TPO: variants seen among roughly 807,000 people sequenced by gnomAD.
TPO encodes the protein thyroid peroxidase.
A neutral mutation model predicts 96.9 loss-of-function variants in TPO; 78 were observed. That is an observed-to-expected ratio of 0.81 (90% CI 0.67 to 0.97). The LOEUF (loss-of-function observed/expected upper bound fraction) is 0.97. TPO is among the 50% of genes least tolerant of loss of function. TPO has a pLI of 0.00. For synonymous variants in TPO, 547 were observed against 538.0 expected, an observed-to-expected ratio of 1.02 and a Z score of -0.23; for missense variants, 1,252 against 1,274.8, an observed-to-expected ratio of 0.98 and a Z score of 0.27.
At chr2:1,536,769 TG>T (rs1405280412) in intron 15 of TPO, among the ~76,000 whole-genome samples, 1 of 83,486 alleles carries the variant, frequency 1.2e-5, no homozygotes. Context: ...CCCATCACTC[TG>T]TGTAATCTCC....
At chr2:1,501,894 T>A (rs2124985584) in intron 13 of TPO, among the ~76,000 whole-genome samples, 1 of 152,162 alleles carries the variant, frequency 6.6e-6, no homozygotes. Context: ...CTTGGAGCCA[T>A]CCACTTTGTG....
intron 10 of TPO, among the ~76,000 whole-genome samples, chr2:1,493,040 G>A (rs1288772263): frequency 6.6e-6 from 1 of 152,088 alleles, no homozygotes; most frequent in Non-Finnish European, 1.5e-5. Flanking sequence ...GACCATGGAC[G>A]GGGGCCTGGG....
At chr2:1,396,836 G>C (rs12329058) in intron 1 of TPO, among the ~76,000 whole-genome samples, 85,039 of 151,998 alleles carry the variant, frequency 0.56, 24,041 homozygotes, top group South Asian at 0.64. Flanking sequence ...TTGTGCCTCA[G>C]GAAAACATGC....
At chr2:1,505,631 A>G (rs535379821) in intron 14 of TPO, among the ~76,000 whole-genome samples, 1 of 151,914 alleles carries the variant, frequency 6.6e-6, no homozygotes, top group Non-Finnish European at 1.5e-5. Context: ...CTAAAAAAAA[A>G]GTGATAAATG....
At chr2:1,448,798 C>A (rs1179543140) in intron 5 of TPO, among the ~76,000 whole-genome samples, 3 of 152,184 alleles carry the variant, frequency 2.0e-5, no homozygotes, top group African/African-American at 7.2e-5. Flanking sequence ...GTGGTGAGCT[C>A]TAAAGGACCT....
In TPO at chr2:1,496,160, C is replaced by T; in HGVS notation, c.2178C>T (p.Gly726=). 1 of 1,614,130 alleles carries T rather than the reference C, an allele frequency of 6.2e-7. No homozygotes were observed. Among genetic ancestry groups the T allele is most frequent in the Middle Eastern group, 1.7e-4 (1 of 6,060 alleles). Residue 726 remains glycine, a synonymous_variant, in exon 12 of 17, where the codon GGC becomes GGT. Transcript: ENST00000329066. ...EDFESCDSIT[G]MNLEAWRETF... is the part of the protein sequence containing the mutation. ...TTGAGTCTTGTGACAGCATCACTGG[C>T]ATGAACCTGGAGGCCTGGAGGGAAA...
intron 7 of TPO, among the ~76,000 whole-genome samples, chr2:1,464,302 T>G (rs1385480384): frequency 6.6e-6 from 1 of 152,244 alleles, no homozygotes; most frequent in African/African-American, 2.4e-5. Flanking sequence ...CATTGATTGA[T>G]GGGCATTTGG....
intron 15 of TPO, among the ~76,000 whole-genome samples, chr2:1,531,043 C>G (rs535889620): frequency 2.5e-5 from 2 of 80,226 alleles, no homozygotes; most frequent in Non-Finnish European, 4.8e-5. Flanking sequence ...GTGTGCAACC[C>G]CCCCAAATAC....
rs996193341 is a variant in TPO at position 1,477,513 on chromosome 2, G to A, written c.1247G>A (p.Arg416His). The change falls in exon 8 of 17, where the codon CGC (arginine) becomes CAC (histidine). Residue 416 changes from arginine to histidine, a missense_variant. By Grantham distance (29) the Arg-to-His change is conservative. Coordinates refer to ENST00000329066, the MANE Select transcript of TPO (RefSeq NM_001206744.2). ...LHTLWLREHN[R>H]LAAALKALNA... ...ACGCTGTGGCTGCGCGAGCACAACC[G>A]CCTGGCCGCGGCGCTCAAGGCCCTC... The A allele has an allele frequency of 1.3e-6, 2 of 1,532,118 alleles. No homozygotes were observed. Among genetic ancestry groups the A allele is most frequent in the Admixed American group, 2.0e-5 (1 of 50,804 alleles). The allele number at this position is 1,532,118 out of a possible 1,614,324, so 94.9% of individuals were successfully genotyped here. A position where few individuals can be genotyped will look rare whatever the true frequency, so the allele number is the denominator to read the frequency against.
rs773476786 is a variant in TPO at position 1,540,673 on chromosome 2, C to G, written c.2698C>G (p.Gln900Glu). Residue 900 changes from glutamine to glutamate, a missense_variant, in exon 16 of 17, where the codon CAG (glutamine) becomes GAG (glutamate). By Grantham distance (29) the Gln-to-Glu change is conservative. Transcript: ENST00000329066. ...GTPELRCGKHQAVGTSPQRAA... is the reference protein window; with the variant it reads ...GTPELRCGKHEAVGTSPQRAA... ...TCCCGAGCTGAGATGCGGAAAGCAC[C>G]AGGCCGTAGGGACCTCACCGCAGCG... 3 of 1,613,396 alleles carry G rather than the reference C, an allele frequency of 1.9e-6. No homozygotes were observed. The South Asian group carries it at 3.3e-5, about 18-fold the overall frequency.
At chr2:1,413,282 AC>A (rs1662551061), upstream of TPO, among the ~76,000 whole-genome samples, 1 of 152,000 alleles carries the variant, frequency 6.6e-6, no homozygotes. Context: ...CTGCATGTGG[AC>A]CCCGATGACA....
At chr2:1,380,386 T>A (rs1661792179) in intron 1 of TPO, among the ~76,000 whole-genome samples, 1 of 128,230 alleles carries the variant, frequency 7.8e-6, no homozygotes, top group African/African-American at 3.0e-5. Context: ...AGAGCGAGAC[T>A]CTGTCTCAAA....
In TPO at chr2:1,484,898, C is replaced by G. The variant is rs1031009266; in HGVS notation, c.1597+44C>G. The G allele has an allele frequency of 4.4e-6, 7 of 1,609,142 alleles. No individual in the cohort carries two copies. The African/African-American group carries it at 9.4e-5, about 22-fold the overall frequency. On this transcript the variant is annotated intron_variant, in intron 9 of 16. Coordinates refer to ENST00000329066, the MANE Select transcript of TPO (RefSeq NM_001206744.2). Reference sequence around the variant, plus strand: ...TGCAGCTGGTCCCCATGAACTCTTCCTTCTTTTTTTAATTTTTTTAAATTA... The same window carrying G: ...TGCAGCTGGTCCCCATGAACTCTTCGTTCTTTTTTTAATTTTTTTAAATTA...
At chr2:1,403,199 A>C (rs1200118233) in intron 1 of TPO, among the ~76,000 whole-genome samples, 1 of 152,164 alleles carries the variant, frequency 6.6e-6, no homozygotes, top group Admixed American at 6.5e-5. Flanking sequence ...TGGACTGCCC[A>C]GCTCCATTCT....
chr2:1,454,367 C>T (rs956187926), intron 6 of TPO, among the ~76,000 whole-genome samples: 1 of 152,228 alleles, frequency 6.6e-6, no homozygotes, highest in Non-Finnish European at 1.5e-5. Flanking sequence ...TCTAGAAATA[C>T]ATCAGTGGAT....
rs538671691 is a variant in TPO at position 1,528,532 on chromosome 2, C to A, written c.2618+11550C>A. ...TTCCCCAAATTCCAACTGTGTACAACCTCCTCAAATCCCTCCCACTCTTTG... is the reference window on the plus strand; with the variant it reads ...TTCCCCAAATTCCAACTGTGTACAAACTCCTCAAATCCCTCCCACTCTTTG... On this transcript the variant is annotated intron_variant, in intron 15 of 16. Transcript: ENST00000329066. Among the ~76,000 whole-genome samples the A allele has an allele frequency of 3.7e-4, 53 of 143,482 alleles. No homozygotes were observed. In the Middle Eastern group the frequency reaches 0.012, roughly 32 times the overall value. 94.1% of individuals were successfully genotyped at this position (143,482 alleles called of 152,430 possible).
intron 7 of TPO, among the ~76,000 whole-genome samples, chr2:1,465,001 A>G (rs1342374383): frequency 2.6e-5 from 4 of 152,120 alleles, no homozygotes; most frequent in Non-Finnish European, 2.9e-5. Context: ...GAATTTTTCC[A>G]ATGTTATCTT....
rs748415161 is a variant in TPO at position 1,540,738 on chromosome 2, GC to G, written c.2748+17del. The G allele has an allele frequency of 5.0e-6, 8 of 1,613,126 alleles. No individual in the cohort carries two copies. In the African/African-American group the frequency reaches 1.1e-4, roughly 22 times the overall value. Reference sequence around the variant, plus strand: ...ACTCGGAGCAGGTGGGCCACACCATGCCGCATGTTTCCAGCTGCCACCGCAG... The same window carrying G: ...ACTCGGAGCAGGTGGGCCACACCATGCGCATGTTTCCAGCTGCCACCGCAG... On this transcript the variant is annotated intron_variant, in intron 16 of 16. Transcript: ENST00000329066.
At chr2:1,515,514 G>A (rs1021964871) in intron 14 of TPO, among the ~76,000 whole-genome samples, 1 of 152,148 alleles carries the variant, frequency 6.6e-6, no homozygotes, top group African/African-American at 2.4e-5. Context: ...GCGCATTTAG[G>A]GTTTATTCAT....
Sources: allele counts gnomAD v4.1 joint callset (sites outside exome capture counted in the v4.1 genomes callset), GRCh38; gene constraint gnomAD v4.1.1; transcripts MANE v1.5; gene names NCBI Gene and HGNC (gene_info 2026-07-23, HGNC 2026-07-21).